The following HAUS8 variants were observed in gnomAD, a reference collection of about 807,000 sequenced individuals.
The protein encoded by HAUS8 is HAUS augmin-like complex subunit 8.
HAUS8 carries 38 observed loss-of-function variants against 42.9 expected under a neutral mutation model. The observed-to-expected ratio is 0.89, with a 90% CI of 0.68 to 1.16. The LOEUF (loss-of-function observed/expected upper bound fraction) is 1.16. Among genes scored for constraint, HAUS8 ranks in the 50% most tolerant of loss-of-function variants. The pLI is 0.00. For missense variants in HAUS8, 494 were observed against 511.6 expected (o/e 0.97, Z 0.33); for synonymous variants, 199 against 205.8 (o/e 0.97, Z 0.28).
intron 9 of HAUS8, chr19:17,055,136 AAAAAAAAATATATATAT>A (rs2057313729): frequency 2.1e-4 from 7 of 32,812 alleles, no homozygotes; most frequent in Non-Finnish European, 3.1e-4. Flanking sequence ...AAAAAAAAAA[AAAAAAAAATATATATAT>A]ATATATATAT....
Position 17,058,631 on chromosome 19 carries a change from A to G in HAUS8, c.563T>C (p.Leu188Pro). Residue 188 changes from leucine to proline, a missense_variant, in exon 8 of 11, where the codon CTA becomes CCA. By Grantham distance (98) the Leu-to-Pro change is moderately conservative (BLOSUM62 -3). Transcript: ENST00000253669. ...LLIMCKEKEK[L>P]QKKAHELKRR... ...CTTCAGCTCGTGGGCCTTTTTCTGT[A>G]GCTTCTCCTTCTCCTTACACATTAT... 4 of 1,613,718 alleles carry G rather than the reference A, an allele frequency of 2.5e-6. No individual in the cohort carries two copies. In the South Asian group the frequency reaches 3.3e-5, roughly 13 times the overall value.
intron 8 of HAUS8, 130 bp downstream of exon 8, chr19:17,058,419 G>T: frequency 1.2e-6 from 1 of 842,618 alleles, no homozygotes; most frequent in Non-Finnish European, 1.8e-6. Context: ...AGCAAGTGTG[G>T]CATTAAAAGC....
intron 9 of HAUS8, chr19:17,053,188 T>C (rs748046698): frequency 1.2e-4 from 72 of 582,344 alleles, no homozygotes; most frequent in Admixed American, 2.4e-4. Flanking sequence ...CAGGAGGGCA[T>C]TGGACCAGAA....
chr19:17,063,894 T>C (rs1015972082), intron 3 of HAUS8, among the ~76,000 whole-genome samples: 4 of 152,174 alleles, frequency 2.6e-5, no homozygotes, highest in Non-Finnish European at 4.4e-5. Flanking sequence ...TTCCTGGCTC[T>C]CCAGTTTGCA....
chr19:17,061,796 A>G (rs1332267788), intron 4 of HAUS8, among the ~76,000 whole-genome samples: 1 of 152,144 alleles, frequency 6.6e-6, no homozygotes, highest in East Asian at 1.9e-4. Flanking sequence ...ATCGCCCTTG[A>G]GTAAGAACTG....
chr19:17,059,654 A>G lies in HAUS8; in HGVS notation c.326-3T>C, dbSNP rs1400979445. On this transcript the variant is annotated splice_region_variant and splice_polypyrimidine_tract_variant and intron_variant, in intron 5 of 10. Coordinates refer to ENST00000253669, the MANE Select transcript of HAUS8 (RefSeq NM_033417.2). ...CGTCTTTTTGACGATGCTTTTGTCT[A>G]AGATAAAGCACAGCATTTTTAATGG... 6.2e-7 allele frequency: 1 copy of G among 1,608,012 alleles called. No individual in the cohort carries two copies. The highest frequency in any genetic ancestry group is 1.7e-5 in the Admixed American group (1 of 59,800).
intron 3 of HAUS8, among the ~76,000 whole-genome samples, chr19:17,067,153 C>T (rs1414033027): frequency 1.4e-5 from 2 of 147,342 alleles, no homozygotes; most frequent in African/African-American, 5.1e-5. Context: ...TGCAGTGAGC[C>T]GAGATCGCAC....
intron 9 of HAUS8, chr19:17,053,299 A>G: frequency 3.2e-6 from 1 of 314,594 alleles, no homozygotes; most frequent in Non-Finnish European, 6.1e-6. Context: ...CCAGACCATG[A>G]GCAACTGAAA....
chr19:17,072,599 C>G (rs933851817), intron 2 of HAUS8, among the ~76,000 whole-genome samples: 5 of 151,964 alleles, frequency 3.3e-5, no homozygotes, highest in Admixed American at 3.3e-4. Flanking sequence ...CTTGGCGCCT[C>G]AAACTGCTGG....
intron 3 of HAUS8, among the ~76,000 whole-genome samples, chr19:17,068,099 CTTT>C (rs889723027): frequency 3.2e-5 from 3 of 93,480 alleles, no homozygotes; most frequent in Admixed American, 1.2e-4. Flanking sequence ...TTATTTTATT[CTTT>C]TTTTTTTTTT....
At chr19:17,066,221 G>C (rs1447976316) in intron 3 of HAUS8, among the ~76,000 whole-genome samples, 1 of 151,840 alleles carries the variant, frequency 6.6e-6, no homozygotes, top group East Asian at 1.9e-4. Flanking sequence ...CAAAGTGCTG[G>C]GATTACAGGC....
At chr19:17,066,098 A>C (rs1174099620) in intron 3 of HAUS8, among the ~76,000 whole-genome samples, 1 of 151,942 alleles carries the variant, frequency 6.6e-6, no homozygotes, top group Admixed American at 6.6e-5. Context: ...TGGGACTATA[A>C]GCACTCACCA....
rs1018207706 is a variant in HAUS8, at chr19:17,058,470, C to T, written c.645+79G>A. 2.8e-5 allele frequency: 39 copies of T among 1,385,946 alleles called. No individual in the cohort carries two copies. In the Admixed American group the frequency reaches 3.8e-4, roughly 13 times the overall value. The allele number at this position is 1,385,946 out of a possible 1,614,324, so 85.9% of individuals were successfully genotyped here. ...GCCAGTGAGCAATGATACCCTAGCA[C>T]GAATGCTACCGAAACAGTGGAGATG... is the stretch of plus-strand genomic sequence containing the variant. On this transcript the variant is annotated intron_variant, in intron 8 of 10. Transcript: ENST00000253669.
chr19:17,068,988 C>G, intron 3 of HAUS8, 43 bp downstream of exon 3: 2 of 1,586,710 alleles, frequency 1.3e-6, no homozygotes, highest in Non-Finnish European at 1.7e-6. Flanking sequence ...TGCTCAGAAC[C>G]TTGCTCAGAA....
intron 3 of HAUS8, among the ~76,000 whole-genome samples, chr19:17,066,604 A>C (rs1464075839): frequency 6.6e-6 from 1 of 152,154 alleles, no homozygotes; most frequent in Non-Finnish European, 1.5e-5. Flanking sequence ...ATTTCCAGGT[A>C]GTGTGTCAGA....
intron 3 of HAUS8, among the ~76,000 whole-genome samples, chr19:17,068,637 C>T (rs541972345): frequency 1.3e-5 from 2 of 152,048 alleles, no homozygotes; most frequent in African/African-American, 2.4e-5. Context: ...TGTGGTAGCA[C>T]ACGCCTTTCG....
intron 9 of HAUS8, 63 bp from the exon 10 acceptor site, chr19:17,053,029 G>A: frequency 6.3e-7 from 1 of 1,599,640 alleles, no homozygotes. Flanking sequence ...GCACACACAA[G>A]TGGAGCGGCC....
rs764844087 is a variant in HAUS8, at chr19:17,069,056, T to C, written c.122A>G (p.Gln41Arg). 1.2e-6 allele frequency: 2 copies of C among 1,613,492 alleles called. No homozygotes were observed. The highest frequency in any genetic ancestry group is 1.7e-6 in the Non-Finnish European group (2 of 1,179,786). Residue 41 changes from glutamine to arginine, a missense_variant, in exon 3 of 11, where the codon CAG (glutamine) becomes CGG (arginine). Coordinates refer to ENST00000253669, the MANE Select transcript of HAUS8 (RefSeq NM_033417.2). ...CTTTTGGGTTGTCTTCTTTTCATAC[T>C]GCAGATACCGGGACTCAATCACTCT... is the stretch of plus-strand genomic sequence containing the variant. ...GGRVIESRYL[Q>R]YEKKTTQKAP...
chr19:17,059,284 T>C (rs763827003), intron 6 of HAUS8, among the ~76,000 whole-genome samples: 3 of 152,272 alleles, frequency 2.0e-5, no homozygotes, highest in Non-Finnish European at 4.4e-5. Context: ...GGGCCTGGCA[T>C]TGTGCCTTTC....
Sources: gnomAD v4.1 joint callset for allele counts (sites outside exome capture counted in the v4.1 genomes callset) on GRCh38, gnomAD v4.1.1 for gene constraint, MANE v1.5 for transcripts, NCBI Gene and HGNC (gene_info 2026-07-23, HGNC 2026-07-21) for gene names.